Variants in MSH3 observed in about 807,000 individuals in gnomAD.
The protein encoded by MSH3 is mutS homolog 3.
Under a neutral mutation model 123.3 loss-of-function variants are expected in MSH3, and 106 were observed. That is an observed-to-expected ratio of 0.86 (90% CI 0.73 to 1.01). The LOEUF (loss-of-function observed/expected upper bound fraction) is 1.01, where lower values mean the gene tolerates loss of function less well. Ranked by LOEUF, MSH3 falls within the 50% of genes least tolerant of loss-of-function variation. The probability of loss-of-function intolerance (pLI) is 0.00; values close to 1 mark genes in which losing one functional copy is unlikely to be tolerated. For missense variants in MSH3, 1,459 were observed against 1,347.6 expected, an observed-to-expected ratio of 1.08 and a Z score of -1.29; for synonymous variants, 515 against 481.4, an observed-to-expected ratio of 1.07 and a Z score of -0.91.
At chr5:80,660,151 C>T (rs1024475740) in intron 2 of MSH3, among the ~76,000 whole-genome samples, 1 of 151,140 alleles carries the variant, frequency 6.6e-6, no homozygotes, top group Non-Finnish European at 1.5e-5. Context: ...TTCCACATGG[C>T]TGGGGAGGCC....
chr5:80,852,347 A>G (rs540598697), intron 20 of MSH3, among the ~76,000 whole-genome samples: 2 of 152,200 alleles, frequency 1.3e-5, no homozygotes, highest in East Asian at 3.9e-4. Flanking sequence ...ACAAAACAAA[A>G]AACTGTATCC....
Position 80,776,928 on chromosome 5 carries a change from A to ATTTTT in MSH3, c.2318+1178_2318+1182dup, listed in dbSNP as rs551087715. ...ATAATACAAATATATATATATATAT[A>ATTTTT]TTTTTTTTTTTTCTTTTTTTTAAGA... On this transcript the variant is annotated intron_variant, in intron 16 of 23. Transcript: ENST00000265081. Among the ~76,000 whole-genome samples the ATTTTT allele has an allele frequency of 8.3e-4, 115 of 139,388 alleles. 1 individual carries two copies. The East Asian group carries it at 0.011, about 14-fold the overall frequency. The allele number at this position is 139,388 out of a possible 152,430, so 91.4% of individuals were successfully genotyped here.
chr5:80,680,488 T>A (rs1458513351), intron 8 of MSH3, among the ~76,000 whole-genome samples: 1 of 152,046 alleles, frequency 6.6e-6, no homozygotes, highest in Admixed American at 6.6e-5. Context: ...TTAAACATTT[T>A]GGCACATTAT....
intron 20 of MSH3, among the ~76,000 whole-genome samples, chr5:80,816,628 C>G (rs1380550642): frequency 6.6e-6 from 1 of 152,094 alleles, no homozygotes; most frequent in Non-Finnish European, 1.5e-5. Context: ...CAGAGGAACC[C>G]AAAGAGCAGG....
intron 8 of MSH3, among the ~76,000 whole-genome samples, chr5:80,704,500 G>C (rs572544164): frequency 6.6e-6 from 1 of 152,216 alleles, no homozygotes; most frequent in South Asian, 2.1e-4. Flanking sequence ...TGTGGCTTAG[G>C]GTATCTGTAT....
intron 19 of MSH3, among the ~76,000 whole-genome samples, chr5:80,800,206 T>C (rs1401157361): frequency 6.6e-6 from 1 of 152,236 alleles, no homozygotes; most frequent in Non-Finnish European, 1.5e-5. Context: ...TCCAGCAACA[T>C]AGTCCCTTCA....
At chr5:80,874,439 G>A (rs1169710902) in intron 23 of MSH3, among the ~76,000 whole-genome samples, 2 of 152,080 alleles carry the variant, frequency 1.3e-5, no homozygotes, top group Admixed American at 6.6e-5. Flanking sequence ...AAGCAAAGTG[G>A]CATAATCAGT....
intron 19 of MSH3, among the ~76,000 whole-genome samples, chr5:80,796,017 AT>A (rs960972976): frequency 1.7e-4 from 26 of 150,494 alleles, no homozygotes; most frequent in South Asian, 1.3e-3. Context: ...CAACATAAGA[AT>A]TTTTTTTTTC....
At chr5:80,699,618 A>G (rs2112836942) in intron 8 of MSH3, among the ~76,000 whole-genome samples, 1 of 151,928 alleles carries the variant, frequency 6.6e-6, no homozygotes, top group South Asian at 2.1e-4. Flanking sequence ...ACATTAACAT[A>G]TATGGTAATC....
chr5:80,827,406 C>T lies in MSH3; in HGVS notation c.2813+13665C>T, dbSNP rs190554104. Among the ~76,000 whole-genome samples the T allele has an allele frequency of 1.2e-3, 186 of 152,288 alleles. 1 individual carries two copies. The highest frequency in any genetic ancestry group is 4.3e-3 in the African/African-American group (180 of 41,548). The stretch of plus-strand genomic sequence containing the variant: ...AGAGAATTGGAAGATAATAGACATT[C>T]AAGTACTTAGTAACTTATTTGTTTG... On this transcript the variant is annotated intron_variant, in intron 20 of 23. Transcript: ENST00000265081.
intron 8 of MSH3, among the ~76,000 whole-genome samples, chr5:80,705,512 A>G (rs1348713017): frequency 1.3e-5 from 2 of 152,196 alleles, no homozygotes; most frequent in African/African-American, 4.8e-5. Context: ...TGTTCTAGTG[A>G]TTTGTTTATA....
chr5:80,795,344 G>A (rs751775009), intron 19 of MSH3, among the ~76,000 whole-genome samples: 8 of 152,196 alleles, frequency 5.3e-5, no homozygotes, highest in Non-Finnish European at 7.3e-5. Context: ...CATAGACTGA[G>A]TAGCTCATAA....
intron 19 of MSH3, among the ~76,000 whole-genome samples, chr5:80,798,618 A>T (rs142286379): frequency 6.2e-4 from 94 of 152,344 alleles, no homozygotes; most frequent in African/African-American, 2.2e-3. Flanking sequence ...TTTTTCACAT[A>T]GCATGATCTT....
At chr5:80,776,714 T>A (rs1744309087) in intron 16 of MSH3, among the ~76,000 whole-genome samples, 1 of 151,830 alleles carries the variant, frequency 6.6e-6, no homozygotes, top group South Asian at 2.1e-4. Flanking sequence ...TTATTAGTAC[T>A]GTTATCAATA....
chr5:80,764,575 C>G (rs1345109604), intron 13 of MSH3, among the ~76,000 whole-genome samples: 1 of 149,438 alleles, frequency 6.7e-6, no homozygotes, highest in East Asian at 2.0e-4. Context: ...GTTGCCCAGG[C>G]TGGTCTCCAG....
intron 12 of MSH3, among the ~76,000 whole-genome samples, chr5:80,751,649 A>C (rs1474937596): frequency 6.6e-6 from 1 of 152,104 alleles, no homozygotes; most frequent in Admixed American, 6.6e-5. Flanking sequence ...GTCCCTTCAC[A>C]CAGTGTTTTT....
intron 20 of MSH3, among the ~76,000 whole-genome samples, chr5:80,814,499 G>T (rs919703297): frequency 1.3e-5 from 2 of 151,910 alleles, no homozygotes; most frequent in Non-Finnish European, 2.9e-5. Flanking sequence ...CTTGACTCCT[G>T]ACCCCAAGTG....
At chr5:80,718,599 T>A (rs1442926878) in intron 8 of MSH3, among the ~76,000 whole-genome samples, 2 of 151,630 alleles carry the variant, frequency 1.3e-5, no homozygotes, top group African/African-American at 4.8e-5. Flanking sequence ...GATATTCCTC[T>A]GTATTTTCTG....
chr5:80,672,120 A>G, intron 4 of MSH3, 124 bp from the exon 5 acceptor site: 1 of 739,464 alleles, frequency 1.4e-6, no homozygotes, highest in Non-Finnish European at 2.3e-6. Flanking sequence ...GACATAGTAC[A>G]CATTTAGATT....
Sources: gnomAD v4.1 joint callset for allele counts (sites outside exome capture counted in the v4.1 genomes callset) on GRCh38, gnomAD v4.1.1 for gene constraint, MANE v1.5 for transcripts, NCBI Gene and HGNC (gene_info 2026-07-23, HGNC 2026-07-21) for gene names.